PTPRO: variants seen among roughly 807,000 people sequenced by gnomAD.
The protein encoded by PTPRO is protein tyrosine phosphatase receptor type O.
Under a neutral mutation model 145.2 loss-of-function variants are expected in PTPRO, and 62 were observed. The observed-to-expected ratio is 0.43, with a 90% CI of 0.35 to 0.53. The LOEUF (loss-of-function observed/expected upper bound fraction) is 0.53, where lower values mean the gene tolerates loss of function less well. PTPRO is among the 20% of genes least tolerant of loss of function. PTPRO has a pLI of 0.01. For missense variants in PTPRO, 1,345 were observed against 1,482.7 expected (o/e 0.91, Z 1.53); for synonymous variants, 565 against 514.7 (o/e 1.10, Z -1.32).
chr12:15,524,982 G>A lies in PTPRO; in HGVS notation c.2043+17G>A. 6.2e-7 allele frequency: 1 copy of A among 1,612,948 alleles called. No individual in the cohort carries two copies. Among genetic ancestry groups the A allele is most frequent in the Non-Finnish European group, 8.5e-7 (1 of 1,179,492 alleles). ...AAAAAGAGTGTATGTTTCTTTGAAT[G>A]CCAGCATTGTGTGTCTGTAAATTTA... On this transcript the variant is annotated intron_variant, in intron 11 of 26. Coordinates refer to ENST00000281171, the MANE Select transcript of PTPRO (RefSeq NM_030667.3).
chr12:15,468,883 C>A (rs1364194487), intron 1 of PTPRO, among the ~76,000 whole-genome samples: 1 of 152,096 alleles, frequency 6.6e-6, no homozygotes, highest in East Asian at 1.9e-4. Flanking sequence ...TTTCAGAAGA[C>A]CCAGAAAACC....
Position 15,589,451 on chromosome 12 carries a change from G to T in PTPRO, c.3411-4G>T. 6.2e-7 allele frequency: 1 copy of T among 1,613,930 alleles called. No homozygotes were observed. The highest frequency in any genetic ancestry group is 8.5e-7 in the Non-Finnish European group (1 of 1,179,960). ...TAATATGCCATCGGAACATTCTTTT[G>T]CAGTGCTGGCGTGGGACGGACAGGA... On this transcript the variant is annotated splice_polypyrimidine_tract_variant and splice_region_variant and intron_variant, in intron 24 of 26. Coordinates refer to ENST00000281171, the MANE Select transcript of PTPRO (RefSeq NM_030667.3).
rs188618877 is a variant in PTPRO, at chr12:15,498,821, C to G, written c.509-621C>G. Among the ~76,000 whole-genome samples the G allele has an allele frequency of 2.6e-3, 395 of 152,194 alleles. 1 individual carries two copies. The highest frequency in any genetic ancestry group is 8.8e-3 in the African/African-American group (367 of 41,552). On this transcript the variant is annotated intron_variant, in intron 3 of 26. Transcript: ENST00000281171. ...AATTAATATAATCCCATTCTTAAGT[C>G]AATTACTTTTTCAAACTATTTTTAG... is the stretch of plus-strand genomic sequence containing the variant.
At chr12:15,581,832 C>G (rs1944326024) in intron 23 of PTPRO, 31 bp downstream of exon 23, 2 of 1,613,006 alleles carry the variant, frequency 1.2e-6, no homozygotes, top group Non-Finnish European at 1.7e-6. Flanking sequence ...CAGGTGCTGT[C>G]CCTATGCTGA....
intron 1 of PTPRO, among the ~76,000 whole-genome samples, chr12:15,415,574 C>T (rs559079536): frequency 1.9e-4 from 28 of 148,718 alleles, no homozygotes; most frequent in East Asian, 5.8e-4. Flanking sequence ...TTAGTAGAGA[C>T]GGGGTTTCAC....
intron 1 of PTPRO, among the ~76,000 whole-genome samples, chr12:15,392,875 A>G (rs1426830498): frequency 6.6e-6 from 1 of 152,136 alleles, no homozygotes; most frequent in Non-Finnish European, 1.5e-5. Flanking sequence ...CATCCACAGG[A>G]CAAATCTTAT....
chr12:15,385,348 A>T (rs546694374), intron 1 of PTPRO, among the ~76,000 whole-genome samples: 1 of 152,282 alleles, frequency 6.6e-6, no homozygotes, highest in African/African-American at 2.4e-5. Context: ...CTTGAGGGCA[A>T]CTACGGATTC....
chr12:15,343,121 C>T (rs1867061067), intron 1 of PTPRO, among the ~76,000 whole-genome samples: 2 of 152,108 alleles, frequency 1.3e-5, no homozygotes. Flanking sequence ...TGCAGGATAG[C>T]ATACAGGAAG....
intron 12 of PTPRO, among the ~76,000 whole-genome samples, chr12:15,543,971 C>T (rs1271144547): frequency 6.6e-6 from 1 of 152,160 alleles, no homozygotes; most frequent in Non-Finnish European, 1.5e-5. Context: ...GGTTGGATAG[C>T]ATGCAGCCAG....
chr12:15,384,908 C>A (rs577808950), intron 1 of PTPRO, among the ~76,000 whole-genome samples: 1 of 152,036 alleles, frequency 6.6e-6, no homozygotes, highest in Non-Finnish European at 1.5e-5. Flanking sequence ...TATTAATGAA[C>A]GCTGAAAGCA....
At chr12:15,465,189 T>C (rs902326035) in intron 1 of PTPRO, among the ~76,000 whole-genome samples, 3 of 152,234 alleles carry the variant, frequency 2.0e-5, no homozygotes. Flanking sequence ...AAAGATATTT[T>C]TGAGCTTCAT....
At chr12:15,493,770 A>C (rs1942047339) in intron 2 of PTPRO, among the ~76,000 whole-genome samples, 1 of 152,216 alleles carries the variant, frequency 6.6e-6, no homozygotes, top group African/African-American at 2.4e-5. Flanking sequence ...GACACAGATG[A>C]TGTGTAGACC....
At chr12:15,551,768 A>G in intron 15 of PTPRO, 97 bp downstream of exon 15, 1 of 1,358,106 alleles carries the variant, frequency 7.4e-7, no homozygotes, top group Non-Finnish European at 1.0e-6. Flanking sequence ...GTATAGCGGT[A>G]TATTGGATTT....
chr12:15,595,597 C>T (rs765337964), intron 26 of PTPRO: 5 of 159,110 alleles, frequency 3.1e-5, no homozygotes, highest in African/African-American at 4.8e-5. Context: ...ACATATTCAA[C>T]GTCCTGTACT....
intron 1 of PTPRO, among the ~76,000 whole-genome samples, chr12:15,412,315 A>G (rs778270307): frequency 6.6e-6 from 1 of 152,250 alleles, no homozygotes; most frequent in Non-Finnish European, 1.5e-5. Context: ...ATGTGTTTCA[A>G]GACAAATAAA....
intron 23 of PTPRO, among the ~76,000 whole-genome samples, chr12:15,584,966 A>T (rs1007644255): frequency 6.6e-6 from 1 of 152,160 alleles, no homozygotes; most frequent in African/African-American, 2.4e-5. Flanking sequence ...GCATCAACTG[A>T]GTGAGAGCTG....
intron 19 of PTPRO, among the ~76,000 whole-genome samples, chr12:15,577,528 A>G (rs766254622): frequency 5.3e-5 from 8 of 152,346 alleles, no homozygotes; most frequent in Non-Finnish European, 1.0e-4. Flanking sequence ...ACCCTCCGAA[A>G]TTCTTCTCCT....
intron 1 of PTPRO, among the ~76,000 whole-genome samples, chr12:15,371,083 T>G (rs1938513157): frequency 6.6e-6 from 1 of 152,210 alleles, no homozygotes; most frequent in Non-Finnish European, 1.5e-5. Flanking sequence ...ATCAGCTTTT[T>G]CTAGTTAGTG....
intron 24 of PTPRO, 99 bp from the exon 25 acceptor site, chr12:15,589,356 A>ATGC (rs1222511814): frequency 3.6e-5 from 55 of 1,540,156 alleles, no homozygotes; most frequent in Non-Finnish European, 4.5e-5. Context: ...AGCCTGGGCA[A>ATGC]CAGAGCAAGA....
Sources: gnomAD v4.1 joint callset for allele counts (sites outside exome capture counted in the v4.1 genomes callset) on GRCh38, gnomAD v4.1.1 for gene constraint, MANE v1.5 for transcripts, NCBI Gene and HGNC (gene_info 2026-07-23, HGNC 2026-07-21) for gene names.